The following SLC6A20 variants were observed in gnomAD, a reference collection of about 807,000 sequenced individuals.
SLC6A20 encodes the protein solute carrier family 6 member 20.
A neutral mutation model predicts 64.3 loss-of-function variants in SLC6A20; 73 were observed. The ratio of observed to expected loss-of-function variants is 1.14; its 90% CI spans 0.94 to 1.38. The LOEUF is 1.38. SLC6A20 is among the 40% of genes most tolerant of loss of function. The pLI is 0.00. For synonymous variants in SLC6A20, 347 were observed against 329.6 expected (o/e 1.05, Z -0.57); for missense variants, 725 against 772.8 (o/e 0.94, Z 0.73).
intron 8 of SLC6A20, among the ~76,000 whole-genome samples, chr3:45,764,780 A>T (rs192255710): frequency 6.6e-6 from 1 of 151,778 alleles, no homozygotes; most frequent in East Asian, 1.9e-4. Context: ...CCAGGGGTGC[A>T]TACTGCCTGG....
rs1337134128 is a variant in SLC6A20, at chr3:45,759,090, A to G, written c.1667T>C (p.Leu556Pro). 6.2e-7 allele frequency: 1 copy of G among 1,612,616 alleles called. No homozygotes were observed. The highest frequency in any genetic ancestry group is 2.2e-5 in the East Asian group (1 of 44,866). The part of the protein sequence containing the change: ...LVTKDYPAYA[L>P]AVIGLLVASS... ...GGCCACAAGCAGCCCGATGACAGCC[A>G]GTGCATAGGCCGGGTAATCTTTGGT... Residue 556 changes from leucine (L) to proline (P), a missense_variant, in exon 11 of 11, where the codon CTG (leucine) becomes CCG (proline). Coordinates refer to ENST00000358525, the MANE Select transcript of SLC6A20 (RefSeq NM_020208.4).
At chr3:45,779,968 C>T (rs1700042765) in intron 3 of SLC6A20, 41 bp downstream of exon 3, 1 of 1,557,572 alleles carries the variant, frequency 6.4e-7, no homozygotes, top group East Asian at 2.4e-5. Context: ...CTCTCCCTTT[C>T]TCGCTCCTAC....
At position 45,758,695 on chromosome 3, in the gene SLC6A20, T is replaced by C; in HGVS notation, c.*283A>G. Reference sequence around the variant, plus strand: ...TTCAGTTTGCAATGTGCCCTAATTCTAGGGCTTTCCTGGAATGAAGGATGC... The same window carrying C: ...TTCAGTTTGCAATGTGCCCTAATTCCAGGGCTTTCCTGGAATGAAGGATGC... On this transcript the variant is annotated 3_prime_UTR_variant, in exon 11 of 11. Coordinates refer to ENST00000358525, the MANE Select transcript of SLC6A20 (RefSeq NM_020208.4). 1 of 1,231,300 alleles carries C rather than the reference T, an allele frequency of 8.1e-7. No individual in the cohort carries two copies. The highest frequency in any genetic ancestry group is 1.0e-6 in the Non-Finnish European group (1 of 983,734). The allele number at this position is 1,231,300 out of a possible 1,614,324, so 76.3% of individuals were successfully genotyped here.
intron 8 of SLC6A20, among the ~76,000 whole-genome samples, chr3:45,764,553 T>C (rs1699740903): frequency 6.6e-6 from 1 of 151,566 alleles, no homozygotes; most frequent in African/African-American, 2.4e-5. Context: ...AATACAAAAA[T>C]TAGCCAGGCA....
chr3:45,770,118 G>T, intron 7 of SLC6A20, 91 bp downstream of exon 7: 1 of 1,533,072 alleles, frequency 6.5e-7, no homozygotes, highest in South Asian at 1.2e-5. Flanking sequence ...TATTTTTACA[G>T]ACCTCGCCTA....
chr3:45,764,515 C>T (rs1306323928), intron 8 of SLC6A20, among the ~76,000 whole-genome samples: 2 of 152,006 alleles, frequency 1.3e-5, no homozygotes, highest in African/African-American at 4.8e-5. Context: ...CCAGCCTGGC[C>T]AACACGGGGA....
At chr3:45,761,297 G>C (rs146037061) in intron 9 of SLC6A20, among the ~76,000 whole-genome samples, 323 of 151,558 alleles carry the variant, frequency 2.1e-3, no homozygotes, top group African/African-American at 7.4e-3. Flanking sequence ...CTGTTGCTGG[G>C]TGGTCACTAG....
intron 1 of SLC6A20, among the ~76,000 whole-genome samples, chr3:45,792,403 ACTG>A (rs1251699572): frequency 4.6e-5 from 7 of 152,186 alleles, no homozygotes; most frequent in South Asian, 2.1e-4. Flanking sequence ...GACAGGACCA[ACTG>A]TGGGCATGTT....
intron 1 of SLC6A20, among the ~76,000 whole-genome samples, chr3:45,788,502 C>T (rs75242071): frequency 4.6e-4 from 70 of 152,256 alleles, no homozygotes; most frequent in East Asian, 1.9e-3. Flanking sequence ...ACATTGAAAG[C>T]ACTCACTAGT....
Position 45,759,013 on chromosome 3 carries a change from GAC to G in SLC6A20, c.1742_1743del (p.Arg581ProfsTer50). On this transcript the variant is annotated frameshift_variant, in exon 11 of 11. Transcript: ENST00000358525. LOFTEE classifies it high-confidence loss of function. ...GGGTCTGCGTCTCCCCTCTTGAGGC[GAC>G]GCTGAACAAAAGTCCCCAGGGCCGC... is the stretch of plus-strand genomic sequence containing the variant. ...PLAALGTFVQ[R>X]RLKRGDADPV... The G allele has an allele frequency of 6.2e-7, 1 of 1,612,606 alleles. No individual in the cohort carries two copies. The highest frequency in any genetic ancestry group is 8.5e-7 in the Non-Finnish European group (1 of 1,179,372).
intron 1 of SLC6A20, among the ~76,000 whole-genome samples, chr3:45,784,000 C>G (rs2125653801): frequency 6.6e-6 from 1 of 152,338 alleles, no homozygotes; most frequent in South Asian, 2.1e-4. Flanking sequence ...AAGCCACATT[C>G]AAACCCTCAG....
At chr3:45,784,683 G>GA (rs1345952563) in intron 1 of SLC6A20, among the ~76,000 whole-genome samples, 1 of 152,108 alleles carries the variant, frequency 6.6e-6, no homozygotes, top group African/African-American at 2.4e-5. Flanking sequence ...AAAAAAATGT[G>GA]AACAGGCATT....
Position 45,796,375 on chromosome 3 carries a change from C to A in SLC6A20, c.45G>T (p.Val15=). 1.9e-6 allele frequency: 3 copies of A among 1,613,028 alleles called. No individual in the cohort carries two copies. Among genetic ancestry groups the A allele is most frequent in the Non-Finnish European group, 2.5e-6 (3 of 1,179,746 alleles). The change falls in exon 1 of 11, where the codon GTG becomes GTT. Residue 15 remains valine, a synonymous_variant. Transcript: ENST00000358525. ...RPLWANSLQF[V]FACISYAVGL... ...CCACGGCGTACGAGATGCAGGCGAA[C>A]ACGAACTGTAGCGAGTTGGCCCACA... is the stretch of plus-strand genomic sequence containing the variant.
intron 3 of SLC6A20, 101 bp downstream of exon 3, chr3:45,779,908 C>T (rs1196675298): frequency 2.3e-6 from 3 of 1,282,960 alleles, no homozygotes; most frequent in African/African-American, 3.0e-5. Context: ...CGCCCCGAGG[C>T]TGCTCACCTT....
intron 1 of SLC6A20, among the ~76,000 whole-genome samples, chr3:45,784,588 G>A (rs1381924326): frequency 1.3e-5 from 2 of 152,016 alleles, no homozygotes; most frequent in East Asian, 1.9e-4. Context: ...TGCAAAACAC[G>A]CATCTTGAGA....
chr3:45,783,129 T>C (rs1700124310), intron 1 of SLC6A20, among the ~76,000 whole-genome samples: 1 of 152,202 alleles, frequency 6.6e-6, no homozygotes, highest in Non-Finnish European at 1.5e-5. Context: ...CTGGCTGGTG[T>C]GGAATGGGAG....
At chr3:45,793,470 G>A (rs934967618) in intron 1 of SLC6A20, among the ~76,000 whole-genome samples, 4 of 152,008 alleles carry the variant, frequency 2.6e-5, no homozygotes, top group Non-Finnish European at 5.9e-5. Context: ...ATTTTGTGAA[G>A]TTCTTTGAGC....
At chr3:45,790,931 T>G (rs1344778890) in intron 1 of SLC6A20, among the ~76,000 whole-genome samples, 1 of 152,238 alleles carries the variant, frequency 6.6e-6, no homozygotes, top group Non-Finnish European at 1.5e-5. Context: ...TGTGCTTTTC[T>G]GTGCCTTTTG....
chr3:45,762,096 A>G (rs1249837914), intron 9 of SLC6A20, among the ~76,000 whole-genome samples: 2 of 152,208 alleles, frequency 1.3e-5, no homozygotes, highest in African/African-American at 4.8e-5. Context: ...GATGTGCCTC[A>G]GGCCCCCTGG....
Sources: gnomAD v4.1 joint callset for allele counts (sites outside exome capture counted in the v4.1 genomes callset) on GRCh38, gnomAD v4.1.1 for gene constraint, MANE v1.5 for transcripts, NCBI Gene and HGNC (gene_info 2026-07-23, HGNC 2026-07-21) for gene names.